The following CCDC125 variants were observed in gnomAD, a reference collection of about 807,000 sequenced individuals.
CCDC125 encodes coiled-coil domain-containing protein 125.
Under a neutral mutation model 57.4 loss-of-function variants are expected in CCDC125, and 43 were observed. The ratio of observed to expected loss-of-function variants is 0.75; its 90% CI spans 0.59 to 0.97. The LOEUF is 0.97. CCDC125 is among the 50% of genes least tolerant of loss of function. The pLI is 0.00. For synonymous variants in CCDC125, 187 were observed against 195.2 expected, an observed-to-expected ratio of 0.96 and a Z score of 0.35; for missense variants, 563 against 595.7, an observed-to-expected ratio of 0.95 and a Z score of 0.57.
intron 1 of CCDC125, among the ~76,000 whole-genome samples, chr5:69,330,735 C>T (rs530712877): frequency 6.6e-6 from 1 of 152,280 alleles, no homozygotes; most frequent in African/African-American, 2.4e-5. Flanking sequence ...TCTTCACATG[C>T]CTTCAGTTGC....
At chr5:69,308,195 G>T in intron 4 of CCDC125, 167 bp from the exon 5 acceptor site, 2 of 607,784 alleles carry the variant, frequency 3.3e-6, no homozygotes, top group Non-Finnish European at 2.9e-6. Flanking sequence ...AAAGTCAGGA[G>T]ATCTTGGTTT....
chr5:69,297,579 A>G (rs939458037), intron 8 of CCDC125, among the ~76,000 whole-genome samples: 1 of 151,742 alleles, frequency 6.6e-6, no homozygotes, highest in African/African-American at 2.4e-5. Flanking sequence ...GCTGGTCTCA[A>G]ACTCCCAACC....
At chr5:69,310,966 G>T (rs2150513084) in intron 4 of CCDC125, 152 bp downstream of exon 4, 2 of 463,904 alleles carry the variant, frequency 4.3e-6, no homozygotes, top group Non-Finnish European at 7.7e-6. Flanking sequence ...GTGAACTTCA[G>T]GATATATAAA....
At chr5:69,277,365 T>A, downstream of CCDC125, 1 of 392,146 alleles carries the variant, frequency 2.6e-6, no homozygotes, top group Non-Finnish European at 4.6e-6. Context: ...ACTCTTGAAA[T>A]GTAGAATTGA....
chr5:69,277,156 T>G (rs1043905884), downstream of CCDC125: 2 of 1,579,478 alleles, frequency 1.3e-6, no homozygotes, highest in Non-Finnish European at 8.6e-7. Flanking sequence ...GGACAACATT[T>G]TACTACTGAG....
rs1323506771 is a variant in CCDC125, at chr5:69,281,810, C to T, written c.*919G>A. On this transcript the variant is annotated 3_prime_UTR_variant, in exon 12 of 12. Transcript: ENST00000396496. ...TTAGCCAAGCTAAGATCCCTATAGT[C>T]AATCAAAATAGTTAAATAATTTTTT... The T allele has an allele frequency of 6.6e-6, 1 of 151,838 alleles. No homozygotes were observed. Among genetic ancestry groups the T allele is most frequent in the African/African-American group, 2.4e-5 (1 of 41,332 alleles). 9.4% of individuals were successfully genotyped at this position (151,838 alleles called of 1,614,324 possible).
At chr5:69,300,472 A>T (rs1756214570) in intron 7 of CCDC125, among the ~76,000 whole-genome samples, 1 of 152,214 alleles carries the variant, frequency 6.6e-6, no homozygotes, top group Admixed American at 6.6e-5. Flanking sequence ...CTGGATGGTG[A>T]GATCTCATAT....
At chr5:69,277,496 G>A (rs1274898151), downstream of CCDC125, 10 of 163,400 alleles carry the variant, frequency 6.1e-5, no homozygotes, top group Non-Finnish European at 1.3e-4. Flanking sequence ...TTGGCCGGGC[G>A]CGGTGGCTCA....
intron 7 of CCDC125, 65 bp from the exon 8 acceptor site, chr5:69,300,192 T>A: frequency 1.8e-6 from 2 of 1,118,084 alleles, no homozygotes; most frequent in Non-Finnish European, 1.4e-6. Flanking sequence ...CCAATCTAGT[T>A]ACCCCAACAT....
chr5:69,299,399 G>A (rs1050112003), intron 8 of CCDC125, among the ~76,000 whole-genome samples: 12 of 152,248 alleles, frequency 7.9e-5, no homozygotes, highest in East Asian at 3.9e-4. Flanking sequence ...GTGAGCCACC[G>A]TGCCCGGCCT....
chr5:69,316,015 T>G (rs1328759338), intron 2 of CCDC125, among the ~76,000 whole-genome samples: 1 of 151,824 alleles, frequency 6.6e-6, no homozygotes, highest in Non-Finnish European at 1.5e-5. Flanking sequence ...TTGAGAAGAA[T>G]GTTTGCTTTG....
At chr5:69,305,909 G>T (rs1757257756) in intron 6 of CCDC125, among the ~76,000 whole-genome samples, 1 of 152,026 alleles carries the variant, frequency 6.6e-6, no homozygotes, top group South Asian at 2.1e-4. Flanking sequence ...ACAGGGATTG[G>T]GGCCACGATA....
intron 2 of CCDC125, 24 bp downstream of exon 2, chr5:69,320,213 G>A: frequency 6.3e-7 from 1 of 1,585,890 alleles, no homozygotes. Context: ...GAGAAAGAAA[G>A]GAGAGGAAAT....
Position 69,314,061 on chromosome 5 carries a change from G to C in CCDC125, c.305-15C>G. 1.3e-6 allele frequency: 2 copies of C among 1,571,416 alleles called. No individual in the cohort carries two copies. Among genetic ancestry groups the C allele is most frequent in the Non-Finnish European group, 1.8e-6 (2 of 1,141,720 alleles). ...ATTCGAATCTACTTGGGAGGGAGGA[G>C]AAAAGAATCTATTAGGGGAAAAATT... On this transcript the variant is annotated splice_polypyrimidine_tract_variant and intron_variant, in intron 2 of 11. Coordinates refer to ENST00000396496, the MANE Select transcript of CCDC125 (RefSeq NM_176816.5).
At chr5:69,306,083 T>G (rs1463029431) in intron 6 of CCDC125, among the ~76,000 whole-genome samples, 1 of 152,104 alleles carries the variant, frequency 6.6e-6, no homozygotes, top group Non-Finnish European at 1.5e-5. Context: ...CTTAACCATC[T>G]TATTTTTCAT....
At chr5:69,324,819 C>T (rs1021361104) in intron 1 of CCDC125, among the ~76,000 whole-genome samples, 3 of 152,040 alleles carry the variant, frequency 2.0e-5, no homozygotes, top group African/African-American at 7.2e-5. Context: ...TCGAAACCAG[C>T]CTGGGCAACA....
chr5:69,306,117 G>A (rs967891176), intron 6 of CCDC125, among the ~76,000 whole-genome samples: 9 of 150,002 alleles, frequency 6.0e-5, no homozygotes, highest in African/African-American at 2.0e-4. Flanking sequence ...AACAAGATGA[G>A]GATCTTGCTA....
At chr5:69,313,624 C>T (rs561479913) in intron 3 of CCDC125, 94 of 733,748 alleles carry the variant, frequency 1.3e-4, no homozygotes, top group Non-Finnish European at 2.1e-4. Flanking sequence ...TCATAGAGGG[C>T]GTAGAGGCAA....
At chr5:69,293,409 T>TG (rs904662196) in intron 9 of CCDC125, among the ~76,000 whole-genome samples, 7 of 151,950 alleles carry the variant, frequency 4.6e-5, no homozygotes, top group African/African-American at 1.4e-4. Flanking sequence ...CCCAGCACTT[T>TG]GGGGGGCCAA....
Sources: allele counts gnomAD v4.1 joint callset (sites outside exome capture counted in the v4.1 genomes callset), GRCh38; gene constraint gnomAD v4.1.1; transcripts MANE v1.5; gene names NCBI Gene and HGNC (gene_info 2026-07-23, HGNC 2026-07-21).